Variants in IQGAP2 observed in about 807,000 individuals in gnomAD.
The protein encoded by IQGAP2 is ras GTPase-activating-like protein IQGAP2.
Under a neutral mutation model 201.3 loss-of-function variants are expected in IQGAP2, and 173 were observed. That is an observed-to-expected ratio of 0.86 (90% confidence interval 0.76 to 0.98). The LOEUF (loss-of-function observed/expected upper bound fraction) is 0.98, where lower values mean the gene tolerates loss of function less well. IQGAP2 is among the 50% of genes least tolerant of loss of function. The pLI, the probability that IQGAP2 is intolerant of heterozygous loss-of-function variation, is 0.00. For synonymous variants in IQGAP2, 675 were observed against 673.9 expected, an observed-to-expected ratio of 1.00 and a Z score of -0.03; for missense variants, 1,687 against 1,864.8, an observed-to-expected ratio of 0.90 and a Z score of 1.76.
chr5:76,515,871 TC>T (rs148262123), intron 2 of IQGAP2, among the ~76,000 whole-genome samples: 13 of 138,546 alleles, frequency 9.4e-5, no homozygotes, highest in African/African-American at 3.8e-4. Flanking sequence ...AAGGGGGTGA[TC>T]TTTTTTTTTT....
chr5:76,584,225 A>G (rs115413895), intron 5 of IQGAP2, among the ~76,000 whole-genome samples: 1,765 of 152,240 alleles, frequency 0.012, 28 homozygotes, highest in African/African-American at 0.041. Context: ...TAAATGAATG[A>G]ATGGATAAAC....
chr5:76,647,161 T>C (rs1490100126), intron 17 of IQGAP2, among the ~76,000 whole-genome samples: 1 of 152,216 alleles, frequency 6.6e-6, no homozygotes, highest in Non-Finnish European at 1.5e-5. Context: ...TTCCCTATTC[T>C]TCCGTAAATA....
intron 2 of IQGAP2, among the ~76,000 whole-genome samples, chr5:76,512,276 G>A (rs531307783): frequency 6.6e-6 from 1 of 152,318 alleles, no homozygotes; most frequent in South Asian, 2.1e-4. Flanking sequence ...TCCAAAAACA[G>A]ATCGTAAGAC....
intron 2 of IQGAP2, among the ~76,000 whole-genome samples, chr5:76,514,011 CTTTTTTTTTTTT>C (rs70982619): frequency 1.5e-5 from 1 of 65,084 alleles, no homozygotes; most frequent in Non-Finnish European, 2.6e-5. Context: ...TATTTGTTGC[CTTTTTTTTTTTT>C]TTTTTTTTTT....
At chr5:76,688,993 A>G (rs560677694) in intron 30 of IQGAP2, among the ~76,000 whole-genome samples, 1 of 152,208 alleles carries the variant, frequency 6.6e-6, no homozygotes, top group African/African-American at 2.4e-5. Flanking sequence ...GTCGAGGGCA[A>G]GGTCATTGTT....
chr5:76,525,922 A>G (rs541405595), intron 2 of IQGAP2, among the ~76,000 whole-genome samples: 40 of 152,322 alleles, frequency 2.6e-4, no homozygotes, highest in African/African-American at 9.6e-4. Flanking sequence ...TGTTGGAGAC[A>G]AGGTCATAGA....
At chr5:76,424,908 A>G (rs544223818) in intron 1 of IQGAP2, among the ~76,000 whole-genome samples, 1 of 152,332 alleles carries the variant, frequency 6.6e-6, no homozygotes, top group Non-Finnish European at 1.5e-5. Context: ...TGAGAGAAGG[A>G]GGAAGCATTC....
intron 2 of IQGAP2, among the ~76,000 whole-genome samples, chr5:76,501,922 T>G (rs1430881169): frequency 6.6e-6 from 1 of 152,030 alleles, no homozygotes; most frequent in Non-Finnish European, 1.5e-5. Flanking sequence ...GTATTACAGG[T>G]GTGAGCCACC....
chr5:76,489,564 C>A (rs1756402783), intron 2 of IQGAP2, among the ~76,000 whole-genome samples: 1 of 152,108 alleles, frequency 6.6e-6, no homozygotes, highest in Non-Finnish European at 1.5e-5. Context: ...CAGGTTCAAG[C>A]AATTCTTGTG....
chr5:76,582,820 G>T (rs1745967828), intron 5 of IQGAP2, among the ~76,000 whole-genome samples: 1 of 151,122 alleles, frequency 6.6e-6, no homozygotes, highest in Non-Finnish European at 1.5e-5. Flanking sequence ...CTACTTTCAT[G>T]ATATACACTA....
intron 2 of IQGAP2, among the ~76,000 whole-genome samples, chr5:76,560,429 T>C (rs1346109353): frequency 6.6e-6 from 1 of 152,046 alleles, no homozygotes; most frequent in African/African-American, 2.4e-5. Context: ...AGTGCTGGAA[T>C]TACAGGCATG....
At chr5:76,551,129 TG>T in intron 2 of IQGAP2, among the ~76,000 whole-genome samples, 1 of 119,028 alleles carries the variant, frequency 8.4e-6, no homozygotes, top group Non-Finnish European at 1.7e-5. Context: ...ACTTCTCAGA[TG>T]GGGCGGCCGG....
chr5:76,527,210 A>G (rs1191317492), intron 2 of IQGAP2, among the ~76,000 whole-genome samples: 2 of 152,252 alleles, frequency 1.3e-5, no homozygotes, highest in African/African-American at 4.8e-5. Context: ...AAGCCAGAAA[A>G]GATGGGAGAG....
chr5:76,499,021 A>T (rs1257021655), intron 2 of IQGAP2, among the ~76,000 whole-genome samples: 2 of 152,232 alleles, frequency 1.3e-5, no homozygotes, highest in Non-Finnish European at 2.9e-5. Context: ...GTTCAGACAT[A>T]TTAGCAATTC....
At chr5:76,657,857 G>C (rs750634906) in intron 20 of IQGAP2, among the ~76,000 whole-genome samples, 2 of 152,204 alleles carry the variant, frequency 1.3e-5, no homozygotes, top group Non-Finnish European at 2.9e-5. Flanking sequence ...GTGCTCAAAG[G>C]ACAAGGGCCA....
chr5:76,415,131 C>T (rs1049960123), intron 1 of IQGAP2, among the ~76,000 whole-genome samples: 3 of 151,890 alleles, frequency 2.0e-5, no homozygotes, highest in Admixed American at 1.3e-4. Context: ...AGTGGGAATG[C>T]GATTTGAAAT....
At chr5:76,505,338 G>A (rs1757554537) in intron 2 of IQGAP2, among the ~76,000 whole-genome samples, 1 of 152,098 alleles carries the variant, frequency 6.6e-6, no homozygotes, top group South Asian at 2.1e-4. Context: ...ATCTCAACTG[G>A]GGAGTCAACC....
rs113206340 is a variant in IQGAP2 at position 76,605,181 on chromosome 5, T to C, written c.1233-998T>C. Among the ~76,000 whole-genome samples the C allele has an allele frequency of 5.3e-3, 813 of 152,288 alleles. 5 individuals carry two copies. Among genetic ancestry groups the C allele is most frequent in the East Asian group, 0.019 (97 of 5,188 alleles). The stretch of plus-strand genomic sequence containing the variant: ...CTGTGAAAATTGGAAAGTGGGAAAA[T>C]TGATAATTGAGAAGTAAAAGTTTCT... On this transcript the variant is annotated intron_variant, in intron 11 of 35. Coordinates refer to ENST00000274364, the MANE Select transcript of IQGAP2 (RefSeq NM_006633.5).
chr5:76,457,332 C>T (rs954516522), intron 1 of IQGAP2, among the ~76,000 whole-genome samples: 4 of 152,116 alleles, frequency 2.6e-5, no homozygotes, highest in African/African-American at 9.7e-5. Context: ...AGAGAAACAC[C>T]CTAAATAATA....
Sources: gnomAD v4.1 joint callset for allele counts (sites outside exome capture counted in the v4.1 genomes callset) on GRCh38, gnomAD v4.1.1 for gene constraint, MANE v1.5 for transcripts, NCBI Gene and HGNC (gene_info 2026-07-23, HGNC 2026-07-21) for gene names.